ATP13A4: variants seen among roughly 807,000 people sequenced by gnomAD.
The protein encoded by ATP13A4 is ATPase 13A4.
Under a neutral mutation model 142.5 loss-of-function variants are expected in ATP13A4, and 114 were observed. The ratio of observed to expected loss-of-function variants is 0.80; its 90% CI spans 0.69 to 0.93. The LOEUF (loss-of-function observed/expected upper bound fraction) is 0.93. Ranked by LOEUF, ATP13A4 falls within the 40% of genes least tolerant of loss-of-function variation. ATP13A4 has a pLI of 0.00. For missense variants in ATP13A4, 1,392 were observed against 1,454.0 expected (o/e 0.96, Z 0.69); for synonymous variants, 488 against 514.8 (o/e 0.95, Z 0.70).
chr3:193,456,309 T>C (rs932885003), intron 16 of ATP13A4, among the ~76,000 whole-genome samples: 13 of 152,200 alleles, frequency 8.5e-5, no homozygotes, highest in Non-Finnish European at 1.8e-4. Context: ...CACTGCAGCA[T>C]GCTATGGAAA....
chr3:193,580,338 G>A (rs1577088962), intron 2 of ATP13A4, among the ~76,000 whole-genome samples: 1 of 152,146 alleles, frequency 6.6e-6, no homozygotes, highest in Non-Finnish European at 1.5e-5. Context: ...GATTATAGCA[G>A]TTGTAGCAGG....
At chr3:193,421,957 T>G (rs148267014) in intron 25 of ATP13A4, among the ~76,000 whole-genome samples, 4 of 149,900 alleles carry the variant, frequency 2.7e-5, no homozygotes, top group Non-Finnish European at 5.9e-5. Context: ...TTACTTTGAA[T>G]GTAAATGGAG....
intron 1 of ATP13A4, among the ~76,000 whole-genome samples, chr3:193,537,698 C>T (rs1027466250): frequency 6.6e-6 from 1 of 152,088 alleles, no homozygotes; most frequent in African/African-American, 2.4e-5. Flanking sequence ...CACCTGGAAA[C>T]AGCTGAGAAG....
At chr3:193,481,735 C>A (rs1719307853) in intron 8 of ATP13A4, among the ~76,000 whole-genome samples, 1 of 152,096 alleles carries the variant, frequency 6.6e-6, no homozygotes, top group Non-Finnish European at 1.5e-5. Flanking sequence ...AAGGAAGCAA[C>A]CCCAGGTTAT....
chr3:193,588,255 A>T (rs904066412), intron 1 of ATP13A4, among the ~76,000 whole-genome samples: 1 of 152,090 alleles, frequency 6.6e-6, no homozygotes, highest in African/African-American at 2.4e-5. Context: ...TATAAAGACA[A>T]CTCTCGAATC....
At chr3:193,416,792 A>G (rs898336455) in intron 25 of ATP13A4, among the ~76,000 whole-genome samples, 2 of 152,190 alleles carry the variant, frequency 1.3e-5, no homozygotes, top group Admixed American at 1.3e-4. Flanking sequence ...AGAGAAAGAG[A>G]CAAAAAGAAT....
At chr3:193,541,986 C>T (rs1722955592) in intron 1 of ATP13A4, among the ~76,000 whole-genome samples, 1 of 151,996 alleles carries the variant, frequency 6.6e-6, no homozygotes, top group Non-Finnish European at 1.5e-5. Context: ...GGCAATCAGG[C>T]AAGAGAAAGA....
At chr3:193,424,903 G>T (rs1715579392) in intron 25 of ATP13A4, among the ~76,000 whole-genome samples, 1 of 148,770 alleles carries the variant, frequency 6.7e-6, no homozygotes, top group Non-Finnish European at 1.5e-5. Context: ...CATAATGGGA[G>T]AAAATATTTC....
chr3:193,403,469 C>T (rs1714347838), intron 29 of ATP13A4, among the ~76,000 whole-genome samples: 1 of 152,140 alleles, frequency 6.6e-6, no homozygotes, highest in Non-Finnish European at 1.5e-5. Context: ...TGTTGTAAGG[C>T]TTATATAACT....
chr3:193,431,674 GTA>G (rs1388242341), intron 25 of ATP13A4, among the ~76,000 whole-genome samples: 2 of 150,662 alleles, frequency 1.3e-5, no homozygotes, highest in Non-Finnish European at 3.0e-5. Context: ...GTGTGTATGT[GTA>G]TATGTGGGTA....
At chr3:193,520,598 C>T (rs916301546) in intron 1 of ATP13A4, among the ~76,000 whole-genome samples, 2 of 152,196 alleles carry the variant, frequency 1.3e-5, no homozygotes, top group African/African-American at 4.8e-5. Context: ...TAGATATCTA[C>T]TCTCCAGTCT....
chr3:193,467,660 T>C (rs1039510020), intron 9 of ATP13A4, among the ~76,000 whole-genome samples, 174 bp from the exon 10 acceptor site: 1 of 152,204 alleles, frequency 6.6e-6, no homozygotes, highest in African/African-American at 2.4e-5. Context: ...CTAAGAGGTC[T>C]GTAGTTTAGA....
At chr3:193,537,072 C>T (rs1488311659) in intron 1 of ATP13A4, among the ~76,000 whole-genome samples, 2 of 151,910 alleles carry the variant, frequency 1.3e-5, no homozygotes, top group African/African-American at 4.8e-5. Context: ...CTATCAAAAT[C>T]CCACTAAGAT....
intron 1 of ATP13A4, among the ~76,000 whole-genome samples, chr3:193,523,722 T>C (rs190167701): frequency 6.6e-5 from 10 of 152,276 alleles, no homozygotes; most frequent in Admixed American, 3.3e-4. Context: ...TAATAGTAAG[T>C]GCTATGGTTC....
At chr3:193,483,311 C>T (rs1357769359) in intron 8 of ATP13A4, among the ~76,000 whole-genome samples, 7 of 151,984 alleles carry the variant, frequency 4.6e-5, no homozygotes, top group Admixed American at 1.3e-4. Context: ...AACAAGGCAA[C>T]TTTTGGGAGT....
intron 28 of ATP13A4, 133 bp downstream of exon 28, chr3:193,410,849 T>A: frequency 1.7e-6 from 1 of 591,188 alleles, no homozygotes; most frequent in Admixed American, 3.1e-5. Flanking sequence ...AAATTTAGCA[T>A]TTTTTTTAGC....
intron 23 of ATP13A4, among the ~76,000 whole-genome samples, 160 bp downstream of exon 23, chr3:193,438,315 G>A (rs1466341301): frequency 6.6e-6 from 1 of 152,044 alleles, no homozygotes; most frequent in African/African-American, 2.4e-5. Flanking sequence ...TTAACTTCTG[G>A]AAAATCCATT....
At chr3:193,548,315 G>C (rs1723341082) in intron 1 of ATP13A4, among the ~76,000 whole-genome samples, 1 of 152,288 alleles carries the variant, frequency 6.6e-6, no homozygotes, top group Admixed American at 6.5e-5. Context: ...TTTGTGCCAG[G>C]TACTGTGTTA....
intron 13 of ATP13A4, among the ~76,000 whole-genome samples, chr3:193,462,368 G>A (rs1311831651): frequency 6.6e-6 from 1 of 152,142 alleles, no homozygotes; most frequent in African/African-American, 2.4e-5. Flanking sequence ...AGTAAGAGCA[G>A]TGTCCTTCCT....
Sources: gnomAD v4.1 joint callset for allele counts (sites outside exome capture counted in the v4.1 genomes callset) on GRCh38, gnomAD v4.1.1 for gene constraint, MANE v1.5 for transcripts, NCBI Gene and HGNC (gene_info 2026-07-23, HGNC 2026-07-21) for gene names.